The following SDK1 variants were observed in gnomAD, a reference collection of about 807,000 sequenced individuals.
The protein encoded by SDK1 is protein sidekick-1.
In SDK1, 157 loss-of-function variants were observed where a neutral mutation model predicts 245.5. The observed-to-expected ratio is 0.64, with a 90% CI of 0.56 to 0.73. The LOEUF (loss-of-function observed/expected upper bound fraction) is 0.73. Among genes scored for constraint, SDK1 ranks in the 30% least tolerant of loss-of-function variants. The probability of loss-of-function intolerance (pLI) is 0.00; values close to 1 mark genes in which losing one functional copy is unlikely to be tolerated. For synonymous variants in SDK1, 1,647 were observed against 1,278.5 expected (o/e 1.29, Z -6.15); for missense variants, 3,583 against 3,002.3 (o/e 1.19, Z -4.52).
At chr7:3,353,522 G>T (rs1780714719) in intron 1 of SDK1, among the ~76,000 whole-genome samples, 1 of 152,272 alleles carries the variant, frequency 6.6e-6, no homozygotes, top group South Asian at 2.1e-4. Context: ...TATGCTCTTT[G>T]TAAAATTGGA....
intron 30 of SDK1, among the ~76,000 whole-genome samples, chr7:4,157,565 C>T (rs604400): frequency 0.4 from 60,611 of 150,768 alleles, 16,387 homozygotes; most frequent in African/African-American, 0.77. Context: ...GAAGCGGGCC[C>T]GAAGTGCTAA....
chr7:3,948,256 T>TC (rs1016716825), intron 5 of SDK1, among the ~76,000 whole-genome samples: 15 of 137,816 alleles, frequency 1.1e-4, no homozygotes, highest in African/African-American at 3.7e-4. Context: ...CATTGCTTTT[T>TC]TTTTTTTTTT....
chr7:3,996,508 T>A lies in SDK1; in HGVS notation c.2131+9186T>A, dbSNP rs79782092. Among the ~76,000 whole-genome samples, 681 of 152,330 alleles carry A rather than the reference T, an allele frequency of 4.5e-3. 15 individuals are homozygous for A. The highest frequency in any genetic ancestry group is 0.034 in the Admixed American group (516 of 15,298). On this transcript the variant is annotated intron_variant, in intron 14 of 44. Transcript: ENST00000404826. ...TTTTCCGTCCAGAAAATAATATGCATCCCTATTTATTCAGCTGTTTAGTGA... is the reference window on the plus strand; with the variant it reads ...TTTTCCGTCCAGAAAATAATATGCAACCCTATTTATTCAGCTGTTTAGTGA...
intron 1 of SDK1, among the ~76,000 whole-genome samples, chr7:3,377,753 CTA>C (rs1781390446): frequency 6.6e-6 from 1 of 151,980 alleles, no homozygotes; most frequent in Non-Finnish European, 1.5e-5. Flanking sequence ...CTGTTCCAAA[CTA>C]TATTTTTATT....
chr7:3,990,248 C>G (rs575115623), intron 14 of SDK1, among the ~76,000 whole-genome samples: 1 of 152,260 alleles, frequency 6.6e-6, no homozygotes, highest in Admixed American at 6.5e-5. Flanking sequence ...GGCACCACCT[C>G]GGAGTGAGGC....
rs1181571988 is a variant in SDK1, at chr7:4,045,241, T to TTTTA, written c.2603-4090_2603-4087dup. On this transcript the variant is annotated intron_variant, in intron 17 of 44. Transcript: ENST00000404826. ...AGCTGCTATGAATATCACATATAGA[T>TTTTA]TTTATTTATTTATTTATTTAGAGAC... 4.0e-5 allele frequency among the ~76,000 whole-genome samples: 6 copies of TTTTA among 151,598 alleles called. No homozygotes were observed. In the South Asian group the frequency reaches 6.3e-4, roughly 16 times the overall value.
intron 28 of SDK1, among the ~76,000 whole-genome samples, chr7:4,135,393 G>A (rs13242365): frequency 5.3e-5 from 8 of 152,172 alleles, no homozygotes; most frequent in African/African-American, 1.9e-4. Flanking sequence ...GCACTTCCAG[G>A]CCTTCGCCCT....
intron 1 of SDK1, among the ~76,000 whole-genome samples, chr7:3,540,677 C>T (rs1159178992): frequency 6.6e-6 from 1 of 152,132 alleles, no homozygotes; most frequent in Non-Finnish European, 1.5e-5. Context: ...TTGGGTCTGA[C>T]ACAAGCATGG....
chr7:3,710,222 A>G lies in SDK1; in HGVS notation c.713+68117A>G, dbSNP rs564548905. ...GCAGTTAATTATGCTGCTGTCCCAC[A>G]TGTGTACATTTTGTTTTCTTGCCTG... On this transcript the variant is annotated intron_variant, in intron 4 of 44. Coordinates refer to ENST00000404826, the MANE Select transcript of SDK1 (RefSeq NM_152744.4). 2.0e-5 allele frequency among the ~76,000 whole-genome samples: 3 copies of G among 152,270 alleles called. 1 individual carries two copies. Among genetic ancestry groups the G allele is most frequent in the African/African-American group, 7.2e-5 (3 of 41,556 alleles).
intron 1 of SDK1, among the ~76,000 whole-genome samples, chr7:3,598,864 T>C (rs1781158445): frequency 7.6e-6 from 1 of 130,756 alleles, no homozygotes; most frequent in African/African-American, 3.0e-5. Flanking sequence ...ATTCACCTTT[T>C]GAAGGACGTG....
chr7:4,216,994 GGAGCACCAGGCCACC>G (rs1784836208), intron 38 of SDK1, among the ~76,000 whole-genome samples: 1 of 144,256 alleles, frequency 6.9e-6, no homozygotes, highest in African/African-American at 2.6e-5. Flanking sequence ...CACACCACCC[GGAGCACCAGGCCACC>G]CGGAGCACCA....
chr7:3,365,409 C>T, intron 1 of SDK1, among the ~76,000 whole-genome samples: 2 of 152,236 alleles, frequency 1.3e-5, no homozygotes, highest in South Asian at 4.1e-4. Context: ...CTTCAGAACT[C>T]TTTCAGTGGT....
intron 17 of SDK1, among the ~76,000 whole-genome samples, chr7:4,032,001 T>G (rs527979255): frequency 9.5e-4 from 136 of 143,508 alleles, no homozygotes; most frequent in African/African-American, 3.4e-3. Flanking sequence ...CACTCCAGCC[T>G]GGGTGACAGA....
chr7:3,910,873 T>G (rs375573772), intron 5 of SDK1, among the ~76,000 whole-genome samples: 126 of 152,322 alleles, frequency 8.3e-4, no homozygotes, highest in South Asian at 5.4e-3. Context: ...GGCATTCTGT[T>G]GTATCCCATA....
chr7:3,786,097 C>T (rs1305773712), intron 4 of SDK1, among the ~76,000 whole-genome samples: 1 of 152,144 alleles, frequency 6.6e-6, no homozygotes, highest in South Asian at 2.1e-4. Flanking sequence ...CGAAAGTGCT[C>T]TCCTTAAGTC....
chr7:3,565,681 A>G (rs576468993), intron 1 of SDK1, among the ~76,000 whole-genome samples: 118 of 152,316 alleles, frequency 7.7e-4, no homozygotes, highest in Non-Finnish European at 1.5e-3. Context: ...GACTTAAAAC[A>G]GCTTAGTATT....
At chr7:3,765,499 T>C (rs560619441) in intron 4 of SDK1, among the ~76,000 whole-genome samples, 1 of 152,324 alleles carries the variant, frequency 6.6e-6, no homozygotes, top group South Asian at 2.1e-4. Context: ...CTGTGGTGAA[T>C]GGTTTGTTTT....
intron 4 of SDK1, among the ~76,000 whole-genome samples, chr7:3,746,152 T>A (rs1472444395): frequency 1.3e-5 from 2 of 152,246 alleles, no homozygotes; most frequent in Non-Finnish European, 2.9e-5. Context: ...GTCACATGAA[T>A]TTTTTGGTTT....
chr7:4,201,361 A>C (rs1439281235), intron 35 of SDK1, among the ~76,000 whole-genome samples: 1 of 152,256 alleles, frequency 6.6e-6, no homozygotes, highest in Non-Finnish European at 1.5e-5. Flanking sequence ...AAATGAGATC[A>C]GAGAATTCTA....
Sources: gnomAD v4.1 joint callset for allele counts (sites outside exome capture counted in the v4.1 genomes callset) on GRCh38, gnomAD v4.1.1 for gene constraint, MANE v1.5 for transcripts, NCBI Gene and HGNC (gene_info 2026-07-23, HGNC 2026-07-21) for gene names.